CSMD1: variants seen among roughly 807,000 people sequenced by gnomAD.
CSMD1 encodes CUB and Sushi multiple domains 1.
Under a neutral mutation model 417.5 loss-of-function variants are expected in CSMD1, and 213 were observed. The ratio of observed to expected loss-of-function variants is 0.51; its 90% CI spans 0.46 to 0.57. The LOEUF (loss-of-function observed/expected upper bound fraction) is 0.57, where lower values mean the gene tolerates loss of function less well. Among genes scored for constraint, CSMD1 ranks in the 20% least tolerant of loss-of-function variants. CSMD1 has a pLI of 0.00. For missense variants in CSMD1, 6,923 were observed against 4,529.7 expected, an observed-to-expected ratio of 1.53 and a Z score of -15.17; for synonymous variants, 2,862 against 1,736.8, an observed-to-expected ratio of 1.65 and a Z score of -16.11.
intron 1 of CSMD1, among the ~76,000 whole-genome samples, chr8:4,949,722 G>A (rs1042801780): frequency 2.4e-4 from 36 of 152,238 alleles, no homozygotes; most frequent in African/African-American, 8.2e-4. Context: ...TTGGGTTACA[G>A]TTTTCTAAAA....
chr8:3,600,819 T>G (rs936654), intron 8 of CSMD1, among the ~76,000 whole-genome samples: 3,223 of 152,272 alleles, frequency 0.021, 124 homozygotes, highest in African/African-American at 0.074. Context: ...ATGCATGTTT[T>G]GCAACATTCA....
intron 2 of CSMD1, among the ~76,000 whole-genome samples, chr8:4,497,693 G>A (rs903720458): frequency 6.6e-6 from 1 of 152,150 alleles, no homozygotes; most frequent in Non-Finnish European, 1.5e-5. Flanking sequence ...GGAAGGCAGA[G>A]CATAAATAGT....
At chr8:4,181,062 A>G (rs1447375360) in intron 3 of CSMD1, among the ~76,000 whole-genome samples, 1 of 152,198 alleles carries the variant, frequency 6.6e-6, no homozygotes, top group African/African-American at 2.4e-5. Context: ...GTCTCCAAAT[A>G]TGAAAATAGG....
intron 4 of CSMD1, among the ~76,000 whole-genome samples, chr8:4,001,057 G>GAAA (rs5889008): frequency 2.0e-5 from 3 of 150,188 alleles, no homozygotes; most frequent in East Asian, 2.0e-4. Flanking sequence ...ATAAAAAAAG[G>GAAA]AAAAAAAAAA....
rs889559453 is a variant in CSMD1 at position 3,307,664 on chromosome 8, CAAATCACTGAAACCA to C, written c.3950+16_3950+30del. 1.9e-6 allele frequency: 3 copies of C among 1,606,614 alleles called. No individual in the cohort carries two copies. Among genetic ancestry groups the C allele is most frequent in the African/African-American group, 2.7e-5 (2 of 74,712 alleles). Reference sequence around the variant, plus strand: ...AGAATAGAAGGCATATCTCTTTTCTCAAATCACTGAAACCAAAATAAAACAAGTACCTAATGGTCT... The same window carrying C: ...AGAATAGAAGGCATATCTCTTTTCTCAAATAAAACAAGTACCTAATGGTCT... On this transcript the variant is annotated intron_variant, in intron 25 of 69. Transcript: ENST00000635120.
In CSMD1 at chr8:3,359,587, G is replaced by A. The variant is rs201209473; in HGVS notation, c.3116-247C>T. On this transcript the variant is annotated intron_variant, in intron 20 of 69. Transcript: ENST00000635120. ...ACAGGTAAGAATGAGAATTACTAGA[G>A]GCTGGGAAGGGGGTGTATGGAGGGA... Among the ~76,000 whole-genome samples the A allele has an allele frequency of 9.3e-5, 14 of 151,242 alleles. No homozygotes were observed. In the East Asian group the frequency reaches 2.5e-3, roughly 27 times the overall value.
chr8:3,193,330 C>T (rs563701890), intron 33 of CSMD1, among the ~76,000 whole-genome samples: 64 of 152,112 alleles, frequency 4.2e-4, no homozygotes, highest in African/African-American at 1.5e-3. Context: ...ATCTGGATAA[C>T]AAGACGAAAA....
At chr8:3,370,265 G>C (rs969134660) in intron 18 of CSMD1, among the ~76,000 whole-genome samples, 2 of 152,178 alleles carry the variant, frequency 1.3e-5, no homozygotes, top group Non-Finnish European at 2.9e-5. Context: ...GCTATCCTAT[G>C]AATGGAAGCA....
At chr8:4,437,076 G>A (rs1345171014) in intron 2 of CSMD1, among the ~76,000 whole-genome samples, 1 of 152,064 alleles carries the variant, frequency 6.6e-6, no homozygotes, top group African/African-American at 2.4e-5. Flanking sequence ...ACAGGCTATG[G>A]AAGAACAAAT....
At chr8:3,717,035 G>A (rs1413981439) in intron 6 of CSMD1, among the ~76,000 whole-genome samples, 2 of 152,154 alleles carry the variant, frequency 1.3e-5, no homozygotes, top group East Asian at 3.9e-4. Flanking sequence ...AGCTTGAAAT[G>A]GTAGAAGCAG....
At chr8:3,355,977 A>T (rs1808756341) in intron 21 of CSMD1, among the ~76,000 whole-genome samples, 1 of 152,224 alleles carries the variant, frequency 6.6e-6, no homozygotes, top group South Asian at 2.1e-4. Context: ...GGTTGAAAAA[A>T]ACCCTAAAAT....
At chr8:3,660,472 T>A (rs1413428475) in intron 7 of CSMD1, among the ~76,000 whole-genome samples, 3 of 126,040 alleles carry the variant, frequency 2.4e-5, no homozygotes, top group Non-Finnish European at 5.0e-5. Flanking sequence ...AGGGCTCAGA[T>A]CAAGTGGCTT....
chr8:4,594,175 T>C (rs1800137807), intron 2 of CSMD1, among the ~76,000 whole-genome samples: 2 of 151,392 alleles, frequency 1.3e-5, no homozygotes, highest in Non-Finnish European at 2.9e-5. Flanking sequence ...TCATTTTAAC[T>C]TGATTAATTC....
chr8:3,971,846 C>G (rs530579228), intron 5 of CSMD1, among the ~76,000 whole-genome samples: 1 of 152,212 alleles, frequency 6.6e-6, no homozygotes, highest in East Asian at 1.9e-4. Flanking sequence ...AAATATTTAG[C>G]TTGCCTGTGT....
chr8:4,604,714 T>C (rs1415910281), intron 2 of CSMD1, among the ~76,000 whole-genome samples: 2 of 152,182 alleles, frequency 1.3e-5, no homozygotes, highest in Non-Finnish European at 2.9e-5. Flanking sequence ...TGATGATACA[T>C]GGGCTTAATG....
At chr8:3,134,612 G>A (rs890974122) in intron 41 of CSMD1, among the ~76,000 whole-genome samples, 4 of 152,188 alleles carry the variant, frequency 2.6e-5, no homozygotes, top group Non-Finnish European at 4.4e-5. Flanking sequence ...TTTTTAAACT[G>A]ACTTCATTAG....
At chr8:3,224,676 G>T (rs987641292) in intron 27 of CSMD1, among the ~76,000 whole-genome samples, 2 of 152,192 alleles carry the variant, frequency 1.3e-5, no homozygotes, top group African/African-American at 4.8e-5. Flanking sequence ...GTTTGTGTTT[G>T]AAGTCATCAA....
intron 2 of CSMD1, among the ~76,000 whole-genome samples, chr8:4,447,390 A>G (rs1798877184): frequency 1.3e-5 from 2 of 152,194 alleles, no homozygotes. Flanking sequence ...AGCTCCTTGA[A>G]TGATTGGGAA....
At chr8:4,817,491 T>C (rs928316917) in intron 1 of CSMD1, among the ~76,000 whole-genome samples, 1 of 152,254 alleles carries the variant, frequency 6.6e-6, no homozygotes, top group African/African-American at 2.4e-5. Context: ...GCACGTCCAA[T>C]GATCCAGTTC....
Sources: gnomAD v4.1 joint callset for allele counts (sites outside exome capture counted in the v4.1 genomes callset) on GRCh38, gnomAD v4.1.1 for gene constraint, MANE v1.5 for transcripts, NCBI Gene and HGNC (gene_info 2026-07-23, HGNC 2026-07-21) for gene names.